Variants in KCNG4 observed in about 807,000 individuals in gnomAD.
KCNG4 encodes voltage-gated potassium channel regulatory subunit KCNG4.
KCNG4 carries 30 observed loss-of-function variants against 28.2 expected under a neutral mutation model. The observed-to-expected ratio is 1.06, with a 90% CI of 0.80 to 1.44. KCNG4 has a LOEUF of 1.44. Among genes scored for constraint, KCNG4 ranks in the 40% most tolerant of loss-of-function variants. The pLI, the probability that KCNG4 is intolerant of heterozygous loss-of-function variation, is 0.00. For missense variants in KCNG4, 879 were observed against 712.3 expected, an observed-to-expected ratio of 1.23 and a Z score of -2.66; for synonymous variants, 375 against 315.5, an observed-to-expected ratio of 1.19 and a Z score of -2.00.
chr16:84,229,936 T>A (rs1319633954), intron 2 of KCNG4, among the ~76,000 whole-genome samples: 1 of 152,144 alleles, frequency 6.6e-6, no homozygotes, highest in Non-Finnish European at 1.5e-5. Flanking sequence ...GCAGGCCAGT[T>A]TTTTAGGAAG....
Position 84,222,927 on chromosome 16 carries a change from C to T in KCNG4, c.850G>A (p.Ala284Thr). The change falls in exon 3 of 3, where the codon GCC becomes ACC. Residue 284 changes from alanine to threonine, a missense_variant. By Grantham distance (58) the Ala-to-Thr change is moderately conservative (BLOSUM62 0). Transcript: ENST00000308251. ...SLEFCLRFVQ[A>T]QDKCQFFQGP... ...TGGAAGAACTGACACTTGTCTTGGG[C>T]CTGGACAAACCGCAGGCAGAACTCC... 3 of 1,601,034 alleles carry T rather than the reference C, an allele frequency of 1.9e-6. No individual in the cohort carries two copies. Among genetic ancestry groups the T allele is most frequent in the East Asian group, 2.2e-5 (1 of 44,656 alleles).
intron 2 of KCNG4, among the ~76,000 whole-genome samples, chr16:84,231,334 C>G (rs975870767): frequency 6.6e-6 from 1 of 152,168 alleles, no homozygotes; most frequent in Non-Finnish European, 1.5e-5. Context: ...TGGCCCTTAC[C>G]CTGACCTGAT....
intron 2 of KCNG4, among the ~76,000 whole-genome samples, chr16:84,224,515 C>T (rs1021115803): frequency 2.6e-5 from 4 of 151,952 alleles, no homozygotes; most frequent in African/African-American, 9.7e-5. Flanking sequence ...GTGTTGACAA[C>T]CACAGTTTTC....
chr16:84,221,838 T>C lies in KCNG4; in HGVS notation c.*379A>G. On this transcript the variant is annotated 3_prime_UTR_variant, in exon 3 of 3. Transcript: ENST00000308251. The stretch of plus-strand genomic sequence containing the variant: ...GGAGGGTCTTAGGGAAATCATGAAA[T>C]TACATAGGCTCAGTATGCAAATACC... 1 of 213,088 alleles carries C rather than the reference T, an allele frequency of 4.7e-6. No homozygotes were observed. The highest frequency in any genetic ancestry group is 8.0e-5 in the South Asian group (1 of 12,516). 13.2% of individuals were successfully genotyped at this position (213,088 alleles called of 1,614,324 possible).
At chr16:84,227,027 G>A (rs1360395152) in intron 2 of KCNG4, among the ~76,000 whole-genome samples, 1 of 151,874 alleles carries the variant, frequency 6.6e-6, no homozygotes, top group Admixed American at 6.6e-5. Context: ...AAAAAAAAAG[G>A]ATAATCAAAA....
chr16:84,224,836 T>C (rs532549183), intron 2 of KCNG4, among the ~76,000 whole-genome samples: 1 of 152,290 alleles, frequency 6.6e-6, no homozygotes, highest in Admixed American at 6.5e-5. Context: ...TTTAGCAAGA[T>C]TGGAGAATCA....
chr16:84,231,001 T>C (rs1054128411), intron 2 of KCNG4, among the ~76,000 whole-genome samples: 2 of 152,090 alleles, frequency 1.3e-5, no homozygotes, highest in African/African-American at 2.4e-5. Context: ...GAGAGGACAT[T>C]TGAGCCACCG....
At chr16:84,227,568 ATCTG>A (rs1441033227) in intron 2 of KCNG4, among the ~76,000 whole-genome samples, 1 of 152,156 alleles carries the variant, frequency 6.6e-6, no homozygotes, top group Non-Finnish European at 1.5e-5. Context: ...CAGAGCTAGA[ATCTG>A]TCTCAGAAAA....
intron 2 of KCNG4, chr16:84,235,959 G>A (rs538798022): frequency 3.9e-5 from 6 of 152,194 alleles, no homozygotes; most frequent in Non-Finnish European, 7.3e-5. Context: ...AGTGGAGGGA[G>A]GGTGTCTCGG....
intron 2 of KCNG4, among the ~76,000 whole-genome samples, chr16:84,225,616 T>A (rs1356075884): frequency 1.3e-5 from 2 of 152,222 alleles, no homozygotes; most frequent in South Asian, 2.1e-4. Context: ...TCCCTAGGCT[T>A]AAAATACTTA....
chr16:84,238,087 G>C (rs563700816), intron 1 of KCNG4, among the ~76,000 whole-genome samples: 1 of 152,250 alleles, frequency 6.6e-6, no homozygotes, highest in South Asian at 2.1e-4. Flanking sequence ...CCACATCGTA[G>C]GGCATGGCAA....
chr16:84,234,917 A>G (rs2151339707), intron 2 of KCNG4, among the ~76,000 whole-genome samples: 1 of 152,214 alleles, frequency 6.6e-6, no homozygotes, highest in Admixed American at 6.5e-5. Flanking sequence ...TATTATCTAA[A>G]CGGAAACACA....
intron 2 of KCNG4, among the ~76,000 whole-genome samples, chr16:84,223,983 C>G (rs1904638909): frequency 6.6e-6 from 1 of 152,062 alleles, no homozygotes; most frequent in Non-Finnish European, 1.5e-5. Context: ...TGGGCGGGGG[C>G]CGTTCTGAGT....
intron 2 of KCNG4, among the ~76,000 whole-genome samples, chr16:84,232,874 G>C (rs1052187961): frequency 7.0e-6 from 1 of 143,278 alleles, no homozygotes; most frequent in Non-Finnish European, 1.5e-5. Context: ...ACTCCAGCCT[G>C]GGGGACAGAG....
At chr16:84,234,299 A>G (rs1904892048) in intron 2 of KCNG4, among the ~76,000 whole-genome samples, 1 of 151,942 alleles carries the variant, frequency 6.6e-6, no homozygotes, top group Admixed American at 6.6e-5. Flanking sequence ...CAGCCTCCCA[A>G]GTAGCTGGGA....
rs547336469 is a variant in KCNG4 at position 84,220,596 on chromosome 16, T to C, written c.*1621A>G. 3.9e-5 allele frequency: 6 copies of C among 152,394 alleles called. No individual in the cohort carries two copies. The East Asian group carries it at 1.2e-3, about 29-fold the overall frequency. 9.4% of individuals were successfully genotyped at this position (152,394 alleles called of 1,614,324 possible). A position where few individuals can be genotyped will look rare whatever the true frequency, so the allele number is the denominator to read the frequency against. ...ACTCTCATACGTACACGATATCAGA[T>C]TGGCAGGGCCGAAACCACTTCACTG... is the stretch of plus-strand genomic sequence containing the variant. On this transcript the variant is annotated 3_prime_UTR_variant, in exon 3 of 3. Coordinates refer to ENST00000308251, the MANE Select transcript of KCNG4 (RefSeq NM_172347.3).
chr16:84,223,824 C>G (rs1361119656), intron 2 of KCNG4, among the ~76,000 whole-genome samples: 1 of 152,104 alleles, frequency 6.6e-6, no homozygotes, highest in African/African-American at 2.4e-5. Flanking sequence ...TGGTTCTAAC[C>G]CCGGGCATTC....
chr16:84,221,294 T>C lies in KCNG4; in HGVS notation c.*923A>G, dbSNP rs1352181170. The C allele has an allele frequency of 2.0e-5, 3 of 152,178 alleles. No homozygotes were observed. The highest frequency in any genetic ancestry group is 3.9e-4 in the East Asian group (2 of 5,180). 9.4% of individuals were successfully genotyped at this position (152,178 alleles called of 1,614,324 possible). On this transcript the variant is annotated 3_prime_UTR_variant, in exon 3 of 3. Transcript: ENST00000308251. ...CATTGAGTCCATGGGGGCTCAGCTGTGGATGAAAAGCTAAGGCCCCTGCAG... is the reference window on the plus strand; with the variant it reads ...CATTGAGTCCATGGGGGCTCAGCTGCGGATGAAAAGCTAAGGCCCCTGCAG...
Position 84,236,753 on chromosome 16 carries a change from C to T in KCNG4, c.733G>A (p.Asp245Asn), listed in dbSNP as rs1433852981. Reference sequence around the variant, plus strand: ...ACCTGGTCCTCCTCTGCCCTGAGGTCGGGCATGGTGCTGACACACAGGCTG... The same window carrying T: ...ACCTGGTCCTCCTCTGCCCTGAGGTTGGGCATGGTGCTGACACACAGGCTG... ...AVSLCVSTMP[D>N]LRAEEDQGEC... The change falls in exon 2 of 3, where the codon GAC becomes AAC. Residue 245 changes from aspartate to asparagine, a missense_variant. Asp to Asn is a conservative substitution (Grantham distance 23, BLOSUM62 1). Transcript: ENST00000308251. 1.1e-5 allele frequency: 17 copies of T among 1,612,916 alleles called. No individual in the cohort carries two copies. Among genetic ancestry groups the T allele is most frequent in the East Asian group, 2.2e-5 (1 of 44,870 alleles).
Sources: gnomAD v4.1 joint callset for allele counts (sites outside exome capture counted in the v4.1 genomes callset) on GRCh38, gnomAD v4.1.1 for gene constraint, MANE v1.5 for transcripts, NCBI Gene and HGNC (gene_info 2026-07-23, HGNC 2026-07-21) for gene names.